CRISP1: variants seen among roughly 807,000 people sequenced by gnomAD.
The protein encoded by CRISP1 is cysteine rich secretory protein 1.
CRISP1 carries 44 observed loss-of-function variants against 33.1 expected under a neutral mutation model. The ratio of observed to expected loss-of-function variants is 1.33; its 90% CI spans 1.05 to 1.71. CRISP1 has a LOEUF of 1.71. Among genes scored for constraint, CRISP1 ranks in the 40% most tolerant of loss-of-function variants. The pLI is 0.00. For missense variants in CRISP1, 390 were observed against 301.2 expected (o/e 1.29, Z -2.18); for synonymous variants, 103 against 98.7 (o/e 1.04, Z -0.26).
intron 1 of CRISP1, among the ~76,000 whole-genome samples, chr6:49,872,001 T>C (rs1413189480): frequency 1.3e-5 from 2 of 152,182 alleles, no homozygotes; most frequent in East Asian, 1.9e-4. Flanking sequence ...GTTGAACTAG[T>C]TTACAGTCCC....
intron 1 of CRISP1, among the ~76,000 whole-genome samples, chr6:49,860,512 G>C (rs890950841): frequency 2.6e-5 from 4 of 152,110 alleles, no homozygotes; most frequent in Non-Finnish European, 4.4e-5. Flanking sequence ...ACAGACTCCT[G>C]AATGACCACT....
At chr6:49,859,138 A>T (rs1451699831) in intron 1 of CRISP1, among the ~76,000 whole-genome samples, 1 of 151,844 alleles carries the variant, frequency 6.6e-6, no homozygotes, top group Non-Finnish European at 1.5e-5. Flanking sequence ...GCTACCAAAG[A>T]GTTGCCTGGA....
chr6:49,853,601 C>G (rs1162284538), intron 2 of CRISP1, among the ~76,000 whole-genome samples: 1 of 152,150 alleles, frequency 6.6e-6, no homozygotes, highest in Non-Finnish European at 1.5e-5. Flanking sequence ...CAAGCATTTC[C>G]CTGCCTGATT....
intron 1 of CRISP1, among the ~76,000 whole-genome samples, chr6:49,872,375 C>CT (rs1016493478): frequency 1.3e-5 from 2 of 151,812 alleles, no homozygotes; most frequent in African/African-American, 4.8e-5. Context: ...ATGGTAGTTT[C>CT]TTTTGCTGTG....
At chr6:49,871,237 G>T (rs933650414), upstream of CRISP1, among the ~76,000 whole-genome samples, 1 of 151,938 alleles carries the variant, frequency 6.6e-6, no homozygotes, top group Non-Finnish European at 1.5e-5. Flanking sequence ...CTCCATGCCA[G>T]GTGAGATATA....
At position 49,872,633 on chromosome 6, in the gene CRISP1, C is replaced by G. The variant is rs1267433840; in HGVS notation, c.-3+4376G>C. 2.0e-4 allele frequency among the ~76,000 whole-genome samples: 30 copies of G among 152,144 alleles called. No homozygotes were observed. In the East Asian group the frequency reaches 5.0e-3, roughly 25 times the overall value. ...TTTCTACATATGGCTAGCCAGTTTT[C>G]CCAGCACCATTTATTAAATAGGGAA... On this transcript the variant is annotated intron_variant, in intron 1 of 7. Transcript: ENST00000505118.
intron 1 of CRISP1, among the ~76,000 whole-genome samples, chr6:49,875,622 G>A (rs1027198280): frequency 1.3e-5 from 2 of 152,036 alleles, no homozygotes; most frequent in Admixed American, 6.6e-5. Flanking sequence ...CAAAGCTGGA[G>A]GCATCACTCT....
chr6:49,841,146 TC>T, intron 5 of CRISP1, 151 bp from the exon 6 acceptor site: 1 of 648,826 alleles, frequency 1.5e-6, no homozygotes, highest in Non-Finnish European at 2.7e-6. Flanking sequence ...ACAAAAGGAC[TC>T]CCACGTGTCT....
At chr6:49,869,460 T>C (rs1257687900), upstream of CRISP1, among the ~76,000 whole-genome samples, 1 of 152,190 alleles carries the variant, frequency 6.6e-6, no homozygotes, top group Non-Finnish European at 1.5e-5. Context: ...AGTCTAGCTC[T>C]AATTCGATTA....
At chr6:49,846,427 A>G in intron 5 of CRISP1, 93 bp downstream of exon 5, 1 of 1,290,420 alleles carries the variant, frequency 7.7e-7, no homozygotes, top group Non-Finnish European at 1.1e-6. Context: ...TTGCCATAAG[A>G]AGGTAGAATG....
intron 3 of CRISP1, among the ~76,000 whole-genome samples, chr6:49,849,532 A>G (rs1039318680): frequency 1.3e-5 from 2 of 152,176 alleles, no homozygotes; most frequent in Non-Finnish European, 2.9e-5. Flanking sequence ...TGCTGCAAGC[A>G]ACTAGACCTT....
chr6:49,857,701 C>A lies in CRISP1; in HGVS notation c.-2-299G>T, dbSNP rs563442689. 1.0e-3 allele frequency among the ~76,000 whole-genome samples: 156 copies of A among 152,248 alleles called. 1 individual carries two copies. The highest frequency in any genetic ancestry group is 1.7e-3 in the Non-Finnish European group (115 of 68,008). On this transcript the variant is annotated intron_variant, in intron 1 of 7. Coordinates refer to ENST00000335847, the MANE Select transcript of CRISP1 (RefSeq NM_001131.3). ...AGATGGAATTCAAACTTCTAATCAG[C>A]TAACATTAAAGTAGGGAGATTATCC... is the stretch of plus-strand genomic sequence containing the variant.
intron 1 of CRISP1, among the ~76,000 whole-genome samples, chr6:49,866,062 T>G (rs181579506): frequency 1.3e-5 from 2 of 152,292 alleles, no homozygotes; most frequent in Non-Finnish European, 2.9e-5. Flanking sequence ...CCCTTATTAC[T>G]GGCTAATTCT....
At chr6:49,838,598 A>T (rs920333843) in intron 6 of CRISP1, 73 bp from the exon 7 acceptor site, 3 of 1,086,594 alleles carry the variant, frequency 2.8e-6, no homozygotes, top group Non-Finnish European at 4.1e-6. Context: ...CACAGTGTAC[A>T]ACCAATTTTA....
intron 1 of CRISP1, among the ~76,000 whole-genome samples, chr6:49,859,343 G>T (rs1225541859): frequency 6.6e-6 from 1 of 151,184 alleles, no homozygotes; most frequent in Non-Finnish European, 1.5e-5. Flanking sequence ...CCCACCTGAA[G>T]TGTCTGCTGC....
chr6:49,854,471 G>A (rs1299080004), intron 2 of CRISP1, among the ~76,000 whole-genome samples: 1 of 152,066 alleles, frequency 6.6e-6, no homozygotes, highest in Non-Finnish European at 1.5e-5. Context: ...AGGCTCAAGC[G>A]ATTCTCCTGC....
In CRISP1 at chr6:49,857,343, A is replaced by G. The variant is rs1169708922; in HGVS notation, c.58T>C (p.Ser20Pro). The change falls in exon 2 of 8, where the codon TCC becomes CCC. Residue 20 changes from serine (S) to proline (P), a missense_variant. Transcript: ENST00000335847. ...ATCCAACCCTCACATACTTTCATGGACAACATAGGCAGTAAGCAAGCAGCA... is the reference window on the plus strand; with the variant it reads ...ATCCAACCCTCACATACTTTCATGGGCAACATAGGCAGTAAGCAAGCAGCA... ...VAAACLLPMLSMKKKSARDQF... is the reference protein window; with the variant it reads ...VAAACLLPMLPMKKKSARDQF... 1.9e-6 allele frequency: 3 copies of G among 1,612,802 alleles called. No individual in the cohort carries two copies. Among genetic ancestry groups the G allele is most frequent in the African/African-American group, 2.7e-5 (2 of 74,880 alleles).
chr6:49,868,216 T>C (rs1582287122), upstream of CRISP1, among the ~76,000 whole-genome samples: 1 of 152,182 alleles, frequency 6.6e-6, no homozygotes, highest in African/African-American at 2.4e-5. Flanking sequence ...TTGATTTGCA[T>C]GTGAGTCCCA....
intron 6 of CRISP1, among the ~76,000 whole-genome samples, chr6:49,839,928 T>C (rs1770929673): frequency 6.6e-6 from 1 of 152,218 alleles, no homozygotes; most frequent in Admixed American, 6.5e-5. Context: ...GGCAGTGTGT[T>C]TTCAAATAAA....
Sources: gnomAD v4.1 joint callset for allele counts (sites outside exome capture counted in the v4.1 genomes callset) on GRCh38, gnomAD v4.1.1 for gene constraint, MANE v1.5 for transcripts, NCBI Gene and HGNC (gene_info 2026-07-23, HGNC 2026-07-21) for gene names.